The following CFAP73 variants were observed in gnomAD, a reference collection of about 807,000 sequenced individuals.
CFAP73 encodes cilia and flagella associated protein 73, also known as cilia- and flagella-associated protein 73.
Under a neutral mutation model 42.9 loss-of-function variants are expected in CFAP73, and 33 were observed. That is an observed-to-expected ratio of 0.77 (90% CI 0.58 to 1.03). The LOEUF (loss-of-function observed/expected upper bound fraction) is 1.03, where lower values mean the gene tolerates loss of function less well. Among genes scored for constraint, CFAP73 ranks in the 50% least tolerant of loss-of-function variants. CFAP73 has a pLI of 0.00. For missense variants in CFAP73, 392 were observed against 411.9 expected, an observed-to-expected ratio of 0.95 and a Z score of 0.42; for synonymous variants, 162 against 186.8, an observed-to-expected ratio of 0.87 and a Z score of 1.08.
At position 113,155,416 on chromosome 12, in the gene CFAP73, C is replaced by T; in HGVS notation, c.847C>T (p.His283Tyr). The change falls in exon 6 of 8, where the codon CAC (histidine) becomes TAC (tyrosine). Residue 283 changes from histidine (H) to tyrosine (Y), a missense_variant and splice_region_variant. Physicochemically the swap from His to Tyr is moderately conservative, Grantham distance 83. Coordinates refer to ENST00000335621, the MANE Select transcript of CFAP73 (RefSeq NM_001144872.3). ...CGAGGACACGGAGGGACAGCTAGAG[C>T]ACGTGAGGACCCCTCTTTATGGCAC... is the stretch of plus-strand genomic sequence containing the variant. ...DIEDTEGQLE[H>Y]VKLFMQDLSA... The T allele has an allele frequency of 5.8e-6, 9 of 1,544,244 alleles. No homozygotes were observed. The highest frequency in any genetic ancestry group is 7.9e-6 in the Non-Finnish European group (9 of 1,142,224).
intron 6 of CFAP73, 95 bp from the exon 7 acceptor site, chr12:113,157,507 C>T (rs1348891525): frequency 2.1e-6 from 2 of 960,134 alleles, no homozygotes; most frequent in Non-Finnish European, 3.2e-6. Flanking sequence ...ATCTCCAGTC[C>T]CCGCCCTACC....
Position 113,154,846 on chromosome 12 carries a change from A to T in CFAP73, c.690+211A>T, listed in dbSNP as rs1952102819. Among the ~76,000 whole-genome samples, 1 of 152,186 alleles carries T rather than the reference A, an allele frequency of 6.6e-6. No homozygotes were observed. Among genetic ancestry groups the T allele is most frequent in the South Asian group, 2.1e-4 (1 of 4,830 alleles). On this transcript the variant is annotated intron_variant, in intron 5 of 7. Coordinates refer to ENST00000335621, the MANE Select transcript of CFAP73 (RefSeq NM_001144872.3). This position sits in a 1 kb window ranked among gnomAD's most constrained non-coding sequence, Gnocchi z 4.7. Reference sequence around the variant, plus strand: ...ACAAGGCTCCTGCACCCCACTCCCGAGAGCACCTGACTGCCTGACTGGCAG... The same window carrying T: ...ACAAGGCTCCTGCACCCCACTCCCGTGAGCACCTGACTGCCTGACTGGCAG...
Position 113,155,370 on chromosome 12 carries a change from G to A in CFAP73, c.801G>A (p.Gly267=), listed in dbSNP as rs1382808629. The change falls in exon 6 of 8, where the codon GGG becomes GGA. Residue 267 remains glycine, a synonymous_variant. Coordinates refer to ENST00000335621, the MANE Select transcript of CFAP73 (RefSeq NM_001144872.3). The part of the protein sequence containing the change: ...NLFQLVCQHQ[G]QPPTLDIEDT... ...TCCAGCTAGTGTGCCAGCATCAGGG[G>A]CAGCCTCCCACCCTGGACATCGAGG... The A allele has an allele frequency of 6.4e-7, 1 of 1,551,496 alleles. No homozygotes were observed. Among genetic ancestry groups the A allele is most frequent in the Non-Finnish European group, 8.7e-7 (1 of 1,146,790 alleles).
Position 113,154,400 on chromosome 12 carries a change from G to GC in CFAP73, c.469-9dup. ...GCAGGCCCATGTGAGTCCCTTCCCC[G>GC]CCCCCGACTCTAGTTCCAAGAGGTT... On this transcript the variant is annotated splice_polypyrimidine_tract_variant and intron_variant, in intron 4 of 7. Transcript: ENST00000335621. The surrounding 1 kb of genome is among the most constrained non-coding windows in gnomAD (Gnocchi z 4.7). 2.6e-6 allele frequency: 4 copies of GC among 1,548,210 alleles called. No individual in the cohort carries two copies. Among genetic ancestry groups the GC allele is most frequent in the Non-Finnish European group, 3.5e-6 (4 of 1,145,976 alleles).
intron 7 of CFAP73, chr12:113,157,971 T>C (rs1278168103): frequency 4.4e-6 from 2 of 455,554 alleles, no homozygotes; most frequent in Non-Finnish European, 8.0e-6. Flanking sequence ...CCAGGGTGGT[T>C]GGGGCATGAA....
At chr12:113,152,924 G>A (rs1224810640) in intron 3 of CFAP73, 37 bp downstream of exon 3, 1 of 1,425,182 alleles carries the variant, frequency 7.0e-7, no homozygotes, top group Non-Finnish European at 9.7e-7. Flanking sequence ...CGGGGCCTAT[G>A]GGTAGCAGCC....
chr12:113,154,601 G>T lies in CFAP73; in HGVS notation c.656G>T (p.Arg219Leu), dbSNP rs989227927. 125 of 1,416,240 alleles carry T rather than the reference G, an allele frequency of 8.8e-5. No homozygotes were observed. The highest frequency in any genetic ancestry group is 1.0e-4 in the Non-Finnish European group (115 of 1,096,680). 87.7% of individuals were successfully genotyped at this position (1,416,240 alleles called of 1,614,324 possible). ...QGQRRAQLQERLEAARERTLQ... is the reference protein window; with the variant it reads ...QGQRRAQLQELLEAARERTLQ... ...CAGCGGCGGGCACAGCTGCAGGAGC[G>T]CCTGGAGGCTGCCAGGGAGCGTACG... is the stretch of plus-strand genomic sequence containing the variant. The change falls in exon 5 of 8, where the codon CGC becomes CTC. Residue 219 changes from arginine to leucine, a missense_variant. Coordinates refer to ENST00000335621, the MANE Select transcript of CFAP73 (RefSeq NM_001144872.3). The surrounding 1 kb of genome is among the most constrained non-coding windows in gnomAD (Gnocchi z 4.7).
intron 1 of CFAP73, among the ~76,000 whole-genome samples, chr12:113,150,416 C>A (rs1952051427): frequency 6.6e-6 from 1 of 152,164 alleles, no homozygotes; most frequent in African/African-American, 2.4e-5. Context: ...TCCAGAACCC[C>A]ACTGCCTCCT....
In CFAP73 at chr12:113,151,952, C is replaced by A; in HGVS notation, c.91C>A (p.Pro31Thr). The A allele has an allele frequency of 6.4e-7, 1 of 1,551,626 alleles. No individual in the cohort carries two copies. The highest frequency in any genetic ancestry group is 8.7e-7 in the Non-Finnish European group (1 of 1,146,962). ...AGAGCAGGCTGAGGATCATGTCCCA[C>A]CAGTACTGCGTCTCCTGGAGAAGAG... ...LPEQAEDHVP[P>T]VLRLLEKRQE... is the part of the protein sequence containing the mutation. The change falls in exon 2 of 8, where the codon CCA (proline) becomes ACA (threonine). Residue 31 changes from proline to threonine, a missense_variant. Coordinates refer to ENST00000335621, the MANE Select transcript of CFAP73 (RefSeq NM_001144872.3).
chr12:113,153,535 A>T (rs1237393123), intron 4 of CFAP73, 127 bp downstream of exon 4: 5 of 759,054 alleles, frequency 6.6e-6, no homozygotes, highest in Non-Finnish European at 9.7e-6. Flanking sequence ...CATGCCGAGA[A>T]CTATCACTTA....
rs1178765299 is a variant in CFAP73 at position 113,154,600 on chromosome 12, C to A, written c.655C>A (p.Arg219Ser). Reference protein sequence around the residue: ...QGQRRAQLQERLEAARERTLQ... With the variant: ...QGQRRAQLQESLEAARERTLQ... Reference sequence around the variant, plus strand: ...CCAGCGGCGGGCACAGCTGCAGGAGCGCCTGGAGGCTGCCAGGGAGCGTAC... The same window carrying A: ...CCAGCGGCGGGCACAGCTGCAGGAGAGCCTGGAGGCTGCCAGGGAGCGTAC... The change falls in exon 5 of 8, where the codon CGC becomes AGC. Residue 219 changes from arginine to serine, a missense_variant. Coordinates refer to ENST00000335621, the MANE Select transcript of CFAP73 (RefSeq NM_001144872.3). This position sits in a 1 kb window ranked among gnomAD's most constrained non-coding sequence, Gnocchi z 4.7. 4 of 1,415,662 alleles carry A rather than the reference C, an allele frequency of 2.8e-6. No individual in the cohort carries two copies. Among genetic ancestry groups the A allele is most frequent in the Non-Finnish European group, 3.6e-6 (4 of 1,096,350 alleles). 87.7% of individuals were successfully genotyped at this position (1,415,662 alleles called of 1,614,324 possible).
rs1367902954 is a variant in CFAP73, at chr12:113,158,710, G to C, written c.*21G>C. Reference sequence around the variant, plus strand: ...AATGTCTCTGTCTTAGGCTGACGCAGCTGCTGCCCTTCTGTGGCCATACAG... The same window carrying C: ...AATGTCTCTGTCTTAGGCTGACGCACCTGCTGCCCTTCTGTGGCCATACAG... On this transcript the variant is annotated 3_prime_UTR_variant, in exon 8 of 8. Transcript: ENST00000335621. This position sits in a 1 kb window ranked among gnomAD's most constrained non-coding sequence, Gnocchi z 4.9. 17 of 741,948 alleles carry C rather than the reference G, an allele frequency of 2.3e-5. No individual in the cohort carries two copies. The highest frequency in any genetic ancestry group is 3.4e-4 in the Middle Eastern group (1 of 2,956). The allele number at this position is 741,948 out of a possible 1,614,324, so 46.0% of individuals were successfully genotyped here. A position where few individuals can be genotyped will look rare whatever the true frequency, so the allele number is the denominator to read the frequency against.
At position 113,153,427 on chromosome 12, in the gene CFAP73, G is replaced by C; in HGVS notation, c.468+19G>C. The stretch of plus-strand genomic sequence containing the variant: ...GCCCGGGGTGAGTCCGGGGCAGGAG[G>C]CTGGGAGCTCGGCGCCACCGCGTGG... On this transcript the variant is annotated intron_variant, in intron 4 of 7. Coordinates refer to ENST00000335621, the MANE Select transcript of CFAP73 (RefSeq NM_001144872.3). 2.1e-6 allele frequency: 3 copies of C among 1,395,354 alleles called. No individual in the cohort carries two copies. Among genetic ancestry groups the C allele is most frequent in the Non-Finnish European group, 2.8e-6 (3 of 1,082,594 alleles). 86.4% of individuals were successfully genotyped at this position (1,395,354 alleles called of 1,614,324 possible).
chr12:113,156,198 G>A (rs953167029), intron 6 of CFAP73, among the ~76,000 whole-genome samples: 1 of 152,120 alleles, frequency 6.6e-6, no homozygotes, highest in African/African-American at 2.4e-5. Flanking sequence ...AGGATTACAA[G>A]TGTGAGCCAC....
intron 1 of CFAP73, 107 bp downstream of exon 1, chr12:113,150,020 G>A: frequency 9.1e-7 from 1 of 1,095,548 alleles, no homozygotes; most frequent in Non-Finnish European, 1.4e-6. Context: ...GCAGATCATA[G>A]TGGGGGTTAT....
chr12:113,155,203 G>C (rs527295304), intron 5 of CFAP73, 57 bp from the exon 6 acceptor site: 2 of 1,426,648 alleles, frequency 1.4e-6, no homozygotes, highest in South Asian at 2.9e-5. Flanking sequence ...CTGGGAAGAG[G>C]GGGCAGCCCG....
chr12:113,157,989 T>G (rs1315559292), intron 7 of CFAP73: 14 of 415,626 alleles, frequency 3.4e-5, no homozygotes, highest in African/African-American at 2.8e-4. Context: ...GAAAAAAAAC[T>G]CTTTGTCAGG....
rs1952100879 is a variant in CFAP73 at position 113,154,692 on chromosome 12, G to A, written c.690+57G>A. 3.6e-6 allele frequency: 5 copies of A among 1,378,308 alleles called. No homozygotes were observed. The South Asian group carries it at 8.5e-5, about 23-fold the overall frequency. The allele number at this position is 1,378,308 out of a possible 1,614,324, so 85.4% of individuals were successfully genotyped here. A position where few individuals can be genotyped will look rare whatever the true frequency, so the allele number is the denominator to read the frequency against. ...GACCCCAGGCTTCCACAGCCGGGCG[G>A]GGAGGAACGCCAGGGCTGATGAGGA... On this transcript the variant is annotated intron_variant, in intron 5 of 7. Transcript: ENST00000335621. The surrounding 1 kb of genome is among the most constrained non-coding windows in gnomAD (Gnocchi z 4.7).
intron 3 of CFAP73, 99 bp from the exon 4 acceptor site, chr12:113,153,109 C>T: frequency 2.3e-6 from 3 of 1,302,496 alleles, no homozygotes; most frequent in South Asian, 1.6e-5. Flanking sequence ...GCTGGCCGCC[C>T]CTGGTTTTGC....
Sources: allele counts gnomAD v4.1 joint callset (sites outside exome capture counted in the v4.1 genomes callset), GRCh38; gene constraint gnomAD v4.1.1; non-coding constraint Gnocchi (gnomAD v3.1); transcripts MANE v1.5; gene names NCBI Gene and HGNC (gene_info 2026-07-23, HGNC 2026-07-21).